Variants in HHLA2 observed in about 807,000 individuals in gnomAD.
The protein encoded by HHLA2 is HHLA2 member of B7 family, also known as HERV-H LTR-associating protein 2.
Under a neutral mutation model 45.9 loss-of-function variants are expected in HHLA2, and 48 were observed. The observed-to-expected ratio is 1.05, with a 90% confidence interval of 0.83 to 1.33. HHLA2 has a LOEUF of 1.33. HHLA2 is among the 40% of genes most tolerant of loss of function. The probability of loss-of-function intolerance (pLI) is 0.00; values close to 1 mark genes in which losing one functional copy is unlikely to be tolerated. For missense variants in HHLA2, 462 were observed against 494.3 expected, an observed-to-expected ratio of 0.93 and a Z score of 0.62; for synonymous variants, 161 against 173.9, an observed-to-expected ratio of 0.93 and a Z score of 0.59.
intron 8 of HHLA2, among the ~76,000 whole-genome samples, chr3:108,373,561 C>T (rs555172783): frequency 1.2e-4 from 18 of 152,204 alleles, no homozygotes; most frequent in African/African-American, 2.9e-4. Flanking sequence ...GATGACATGA[C>T]GGTATATCTA....
chr3:108,305,106 T>A (rs1028039681), intron 1 of HHLA2, among the ~76,000 whole-genome samples: 1 of 152,210 alleles, frequency 6.6e-6, no homozygotes, highest in Non-Finnish European at 1.5e-5. Context: ...CATTATCTAT[T>A]TTTTTCTGCA....
intron 3 of HHLA2, among the ~76,000 whole-genome samples, chr3:108,347,958 G>T (rs1219826195): frequency 6.6e-6 from 1 of 152,088 alleles, no homozygotes; most frequent in Non-Finnish European, 1.5e-5. Context: ...GGGTCATAGA[G>T]AAATGGAAAA....
At chr3:108,354,802 T>C (rs1209487208) in intron 5 of HHLA2, among the ~76,000 whole-genome samples, 1 of 152,146 alleles carries the variant, frequency 6.6e-6, no homozygotes, top group African/African-American at 2.4e-5. Flanking sequence ...TTTATAGACT[T>C]AGACATCCTC....
intron 1 of HHLA2, among the ~76,000 whole-genome samples, chr3:108,306,887 G>T (rs138581079): frequency 6.8e-4 from 103 of 151,538 alleles, no homozygotes; most frequent in African/African-American, 2.4e-3. Flanking sequence ...ACAGAGTCTC[G>T]CTCTGTCACA....
intron 10 of HHLA2, 102 bp downstream of exon 9, chr3:108,376,659 T>C (rs940915922): frequency 4.0e-6 from 4 of 1,011,534 alleles, no homozygotes; most frequent in Non-Finnish European, 4.4e-6. Flanking sequence ...AAGCAAGACT[T>C]TTATACAGAA....
intron 1 of HHLA2, among the ~76,000 whole-genome samples, chr3:108,297,879 A>G (rs1427092247): frequency 6.6e-6 from 1 of 152,156 alleles, no homozygotes; most frequent in East Asian, 1.9e-4. Context: ...CTGGTCAGTG[A>G]CCGGTGTAGG....
intron 3 of HHLA2, among the ~76,000 whole-genome samples, chr3:108,332,419 T>C (rs1447752955): frequency 6.6e-6 from 1 of 152,230 alleles, no homozygotes; most frequent in Non-Finnish European, 1.5e-5. Context: ...AATGTACATT[T>C]GCATATCATA....
chr3:108,349,954 C>A (rs375645869), intron 3 of HHLA2, among the ~76,000 whole-genome samples: 1 of 151,884 alleles, frequency 6.6e-6, no homozygotes, highest in African/African-American at 2.4e-5. Flanking sequence ...TTCAGGGTTA[C>A]GTTAAACAAG....
intron 1 of HHLA2, among the ~76,000 whole-genome samples, chr3:108,303,099 G>A (rs562735184): frequency 6.6e-6 from 1 of 152,230 alleles, no homozygotes; most frequent in South Asian, 2.1e-4. Context: ...TGAGTTTTCT[G>A]TATCAACTTT....
At chr3:108,353,054 T>C (rs2107457242) in intron 4 of HHLA2, among the ~76,000 whole-genome samples, 1 of 152,342 alleles carries the variant, frequency 6.6e-6, no homozygotes, top group South Asian at 2.1e-4. Context: ...ATTGTTGCTA[T>C]AGTAGGAGTT....
At chr3:108,352,642 G>A (rs902914433) in intron 4 of HHLA2, among the ~76,000 whole-genome samples, 1 of 152,186 alleles carries the variant, frequency 6.6e-6, no homozygotes, top group African/African-American at 2.4e-5. Flanking sequence ...GGAAGTGTCT[G>A]GGTATATTTT....
Position 108,362,462 on chromosome 3 carries a change from G to T in HHLA2, c.1108+16G>T. On this transcript the variant is annotated intron_variant, in intron 8 of 10. Coordinates refer to ENST00000619531, the Ensembl canonical transcript of HHLA2. ...TGTTGCAGAGGTAATAGAAGAATTT[G>T]GGCTCTGCCCCACGTGTTCCACATC... is the stretch of plus-strand genomic sequence containing the variant. 1 of 1,544,822 alleles carries T rather than the reference G, an allele frequency of 6.5e-7. No homozygotes were observed.
At chr3:108,332,893 G>T (rs996478877) in intron 3 of HHLA2, among the ~76,000 whole-genome samples, 1 of 152,058 alleles carries the variant, frequency 6.6e-6, no homozygotes, top group Non-Finnish European at 1.5e-5. Flanking sequence ...TGGTTTGCTT[G>T]TTATTCTGGG....
chr3:108,303,585 A>T (rs570248136), intron 1 of HHLA2, among the ~76,000 whole-genome samples: 1 of 152,004 alleles, frequency 6.6e-6, no homozygotes, highest in African/African-American at 2.4e-5. Flanking sequence ...ATTATTTTGT[A>T]TATTTTTTTC....
intron 8 of HHLA2, among the ~76,000 whole-genome samples, chr3:108,363,090 T>C (rs958289401): frequency 1.2e-4 from 18 of 152,292 alleles, no homozygotes; most frequent in Admixed American, 5.2e-4. Flanking sequence ...GCAAAAAATC[T>C]TACCAGTAAT....
intron 2 of HHLA2, among the ~76,000 whole-genome samples, chr3:108,322,357 T>C (rs1576116632): frequency 6.6e-6 from 1 of 152,356 alleles, no homozygotes; most frequent in East Asian, 1.9e-4. Context: ...TGTTTCTCCA[T>C]GGATTTCTCC....
At position 108,296,886 on chromosome 3, in the gene HHLA2, G is replaced by A. The variant is rs1374450254; in HGVS notation, c.-192+287G>A. ...TGGTAAGACAGTGAAAGAGGGATGA[G>A]CAATGTTTGTTTTGAAAATTATCTG... On this transcript the variant is annotated intron_variant, in intron 1 of 10. Coordinates refer to ENST00000619531, the Ensembl canonical transcript of HHLA2. Among the ~76,000 whole-genome samples the A allele has an allele frequency of 2.0e-5, 3 of 152,206 alleles. 1 individual carries two copies. The highest frequency in any genetic ancestry group is 4.1e-4 in the South Asian group (2 of 4,826).
chr3:108,375,756 T>C (rs1030709417), exon 9 of HHLA2: 2 of 1,610,960 alleles, frequency 1.2e-6, no homozygotes, highest in Non-Finnish European at 1.7e-6. Context: ...ACAGCCCAGC[T>C]AGAAGCCAGG....
chr3:108,353,603 T>A (rs777334460), exon 5 of HHLA2: 33 of 1,613,638 alleles, frequency 2.0e-5, no homozygotes, highest in Non-Finnish European at 2.8e-5. Context: ...CAGTGACCAT[T>A]TGGAAAGCCA....
Sources: allele counts gnomAD v4.1 joint callset (sites outside exome capture counted in the v4.1 genomes callset), GRCh38; gene constraint gnomAD v4.1.1; transcripts MANE v1.5; gene names NCBI Gene and HGNC (gene_info 2026-07-23, HGNC 2026-07-21).